LRRC4C: variants seen among roughly 807,000 people sequenced by gnomAD.
LRRC4C encodes leucine rich repeat containing 4C.
Under a neutral mutation model 33.6 loss-of-function variants are expected in LRRC4C, and 5 were observed. That is an observed-to-expected ratio of 0.15 (90% CI 0.08 to 0.31). The LOEUF (loss-of-function observed/expected upper bound fraction) is 0.31. Ranked by LOEUF, LRRC4C falls within the 10% of genes least tolerant of loss-of-function variation. The pLI is 1.00. For missense variants in LRRC4C, 560 were observed against 796.7 expected (o/e 0.70, Z 3.58); for synonymous variants, 329 against 302.0 (o/e 1.09, Z -0.93).
At chr11:41,404,834 A>C (rs1328816830) in intron 1 of LRRC4C, among the ~76,000 whole-genome samples, 1 of 152,136 alleles carries the variant, frequency 6.6e-6, no homozygotes, top group Non-Finnish European at 1.5e-5. Flanking sequence ...CCATGATTTT[A>C]AAAAGCAAAT....
At chr11:40,292,075 C>T (rs1336340692) in intron 4 of LRRC4C, 1 of 151,294 alleles carries the variant, frequency 6.6e-6, no homozygotes, top group African/African-American at 2.4e-5. Context: ...TTTTCTGGCC[C>T]CCAATAGCCA....
chr11:41,102,701 C>T (rs1941264465), intron 1 of LRRC4C, among the ~76,000 whole-genome samples: 1 of 151,972 alleles, frequency 6.6e-6, no homozygotes, highest in South Asian at 2.1e-4. Context: ...TTTTAGATTG[C>T]ATACATTTCT....
At chr11:41,373,927 T>C (rs909566985) in intron 1 of LRRC4C, among the ~76,000 whole-genome samples, 11 of 152,206 alleles carry the variant, frequency 7.2e-5, no homozygotes, top group African/African-American at 2.7e-4. Flanking sequence ...GTGCCCTATT[T>C]GTTTAAAAAA....
At chr11:41,345,757 A>G (rs1193699756) in intron 1 of LRRC4C, among the ~76,000 whole-genome samples, 3 of 152,158 alleles carry the variant, frequency 2.0e-5, no homozygotes, top group Non-Finnish European at 4.4e-5. Flanking sequence ...GAGTCTCCGC[A>G]CTAGATACGA....
At chr11:41,390,251 A>G (rs778452717) in intron 1 of LRRC4C, among the ~76,000 whole-genome samples, 2 of 148,704 alleles carry the variant, frequency 1.3e-5, no homozygotes, top group Non-Finnish European at 2.9e-5. Flanking sequence ...TAGAACAAAT[A>G]AAAAACAACA....
chr11:40,951,636 T>C (rs1958694790), intron 1 of LRRC4C, among the ~76,000 whole-genome samples: 2 of 151,954 alleles, frequency 1.3e-5, no homozygotes, highest in African/African-American at 2.4e-5. Flanking sequence ...ATTTGGACAA[T>C]ATAATAAGCA....
At chr11:40,391,954 T>C (rs1209481754) in intron 3 of LRRC4C, among the ~76,000 whole-genome samples, 1 of 152,166 alleles carries the variant, frequency 6.6e-6, no homozygotes, top group East Asian at 1.9e-4. Context: ...AATGAAATAT[T>C]ATTCATCAGT....
At chr11:40,877,028 T>C (rs1221396692) in intron 2 of LRRC4C, among the ~76,000 whole-genome samples, 7 of 152,090 alleles carry the variant, frequency 4.6e-5, no homozygotes, top group Non-Finnish European at 1.0e-4. Context: ...ATGCTCTGTG[T>C]CCATCTCCTC....
At chr11:40,449,651 T>A (rs887418690) in intron 3 of LRRC4C, among the ~76,000 whole-genome samples, 1 of 152,160 alleles carries the variant, frequency 6.6e-6, no homozygotes, top group Non-Finnish European at 1.5e-5. Flanking sequence ...ATGTCCCTGC[T>A]TCCATGAACG....
intron 4 of LRRC4C, among the ~76,000 whole-genome samples, chr11:40,243,001 C>T (rs190801788): frequency 1.2e-3 from 177 of 152,192 alleles, no homozygotes; most frequent in Non-Finnish European, 1.7e-3. Context: ...GTATGCATGA[C>T]AAATAAACAT....
chr11:40,768,681 A>T (rs1949601870), intron 2 of LRRC4C, among the ~76,000 whole-genome samples: 1 of 152,168 alleles, frequency 6.6e-6, no homozygotes, highest in Non-Finnish European at 1.5e-5. Flanking sequence ...AGGATGATTC[A>T]TCATATGCAA....
intron 1 of LRRC4C, among the ~76,000 whole-genome samples, chr11:41,249,281 TC>T (rs1374201092): frequency 6.6e-6 from 1 of 152,016 alleles, no homozygotes; most frequent in Non-Finnish European, 1.5e-5. Flanking sequence ...TGATCTGCCC[TC>T]CTCGGCCTCC....
chr11:40,965,001 T>G (rs1208897884), intron 1 of LRRC4C, among the ~76,000 whole-genome samples: 1 of 152,144 alleles, frequency 6.6e-6, no homozygotes, highest in Non-Finnish European at 1.5e-5. Context: ...TGTAAAATTG[T>G]TCCTATTTCT....
chr11:41,448,662 T>C (rs1348915872), intron 1 of LRRC4C, among the ~76,000 whole-genome samples: 1 of 152,208 alleles, frequency 6.6e-6, no homozygotes, highest in Admixed American at 6.5e-5. Context: ...AGAAACCCTA[T>C]GTATTCTCTT....
At chr11:40,911,573 A>G (rs1211860653) in intron 2 of LRRC4C, among the ~76,000 whole-genome samples, 1 of 152,178 alleles carries the variant, frequency 6.6e-6, no homozygotes, top group Non-Finnish European at 1.5e-5. Context: ...GACCAAATGC[A>G]GATAAAACCA....
intron 3 of LRRC4C, among the ~76,000 whole-genome samples, chr11:40,478,776 G>T (rs1159235868): frequency 6.6e-6 from 1 of 152,012 alleles, no homozygotes; most frequent in African/African-American, 2.4e-5. Context: ...CCTTAAAATT[G>T]TTTTTTTCTG....
intron 6 of LRRC4C, among the ~76,000 whole-genome samples, chr11:40,132,213 A>T (rs1450733153): frequency 1.3e-5 from 2 of 152,202 alleles, no homozygotes; most frequent in African/African-American, 4.8e-5. Context: ...TCAATTTCTT[A>T]CGTGTTTAGC....
chr11:41,449,540 A>AT (rs1425279672), intron 1 of LRRC4C, among the ~76,000 whole-genome samples: 1 of 152,096 alleles, frequency 6.6e-6, no homozygotes, highest in Non-Finnish European at 1.5e-5. Context: ...AGTAAAATAG[A>AT]TAGAAAGGCA....
chr11:40,725,706 A>G lies in LRRC4C; in HGVS notation c.-406-77428T>C, dbSNP rs191336612. Reference sequence around the variant, plus strand: ...AAAGAAACATGTTATCAAACTGCACAGCTGTTAAAAGTTCTCTGCCTGTAC... The same window carrying G: ...AAAGAAACATGTTATCAAACTGCACGGCTGTTAAAAGTTCTCTGCCTGTAC... On this transcript the variant is annotated intron_variant, in intron 2 of 6. Transcript: ENST00000528697. Among the ~76,000 whole-genome samples, 19 of 152,322 alleles carry G rather than the reference A, an allele frequency of 1.2e-4. No individual in the cohort carries two copies. In the East Asian group the frequency reaches 3.3e-3, roughly 26 times the overall value.
Sources: gnomAD v4.1 joint callset for allele counts (sites outside exome capture counted in the v4.1 genomes callset) on GRCh38, gnomAD v4.1.1 for gene constraint, MANE v1.5 for transcripts, NCBI Gene and HGNC (gene_info 2026-07-23, HGNC 2026-07-21) for gene names.